SGCZ: variants seen among roughly 807,000 people sequenced by gnomAD.
SGCZ encodes zeta-sarcoglycan.
In SGCZ, 40 loss-of-function variants were observed where a neutral mutation model predicts 41.3. That is an observed-to-expected ratio of 0.97 (90% confidence interval 0.75 to 1.26). The LOEUF (loss-of-function observed/expected upper bound fraction) is 1.26. Among genes scored for constraint, SGCZ ranks in the 50% most tolerant of loss-of-function variants. The pLI, the probability that SGCZ is intolerant of heterozygous loss-of-function variation, is 0.00. For missense variants in SGCZ, 552 were observed against 369.8 expected (o/e 1.49, Z -4.04); for synonymous variants, 206 against 137.5 (o/e 1.50, Z -3.49).
intron 1 of SGCZ, among the ~76,000 whole-genome samples, chr8:14,884,475 G>C (rs531926093): frequency 6.6e-6 from 1 of 151,738 alleles, no homozygotes; most frequent in African/African-American, 2.4e-5. Context: ...TGCCCTTCTT[G>C]GTGGGTAGAT....
At chr8:14,751,373 T>C (rs1221438350) in intron 1 of SGCZ, among the ~76,000 whole-genome samples, 1 of 152,134 alleles carries the variant, frequency 6.6e-6, no homozygotes, top group African/African-American at 2.4e-5. Flanking sequence ...AGTCCATTCA[T>C]TAGTAGGATC....
chr8:14,794,867 A>C (rs1801074336), intron 1 of SGCZ, among the ~76,000 whole-genome samples: 1 of 152,240 alleles, frequency 6.6e-6, no homozygotes, highest in South Asian at 2.1e-4. Flanking sequence ...CATCTCTACT[A>C]TTGAGTCAAG....
At chr8:14,379,420 A>AT (rs553049213) in intron 2 of SGCZ, among the ~76,000 whole-genome samples, 94 of 152,276 alleles carry the variant, frequency 6.2e-4, no homozygotes, top group African/African-American at 1.9e-3. Context: ...ATAATAGGAA[A>AT]TTTGCAAAAC....
chr8:14,775,446 G>C (rs919949947), intron 1 of SGCZ, among the ~76,000 whole-genome samples: 7 of 142,440 alleles, frequency 4.9e-5, no homozygotes, highest in African/African-American at 8.0e-5. Context: ...ACAGTATGCT[G>C]AGTAGAATAT....
intron 2 of SGCZ, among the ~76,000 whole-genome samples, chr8:14,524,920 G>A (rs895293911): frequency 6.6e-6 from 1 of 151,786 alleles, no homozygotes. Context: ...CCAAATTCTG[G>A]GTCCACTGTC....
At chr8:14,441,882 G>T (rs1563331828) in intron 2 of SGCZ, among the ~76,000 whole-genome samples, 1 of 152,106 alleles carries the variant, frequency 6.6e-6, no homozygotes, top group South Asian at 2.1e-4. Flanking sequence ...TTGTCTTAAA[G>T]GCCTGGGAGA....
intron 1 of SGCZ, among the ~76,000 whole-genome samples, chr8:14,771,120 G>T (rs1285179070): frequency 6.6e-6 from 1 of 152,058 alleles, no homozygotes; most frequent in Admixed American, 6.5e-5. Flanking sequence ...AAGGATTTGG[G>T]TAAATAAGGA....
intron 2 of SGCZ, among the ~76,000 whole-genome samples, chr8:14,346,582 G>A (rs551861061): frequency 1.3e-5 from 2 of 151,866 alleles, no homozygotes; most frequent in Non-Finnish European, 2.9e-5. Context: ...TATGTCAAAT[G>A]CATATAAGCA....
intron 4 of SGCZ, among the ~76,000 whole-genome samples, chr8:14,223,791 A>G (rs1301442886): frequency 6.6e-6 from 1 of 152,190 alleles, no homozygotes; most frequent in Non-Finnish European, 1.5e-5. Flanking sequence ...CATTCACACC[A>G]TCCAAAATAA....
intron 3 of SGCZ, among the ~76,000 whole-genome samples, chr8:14,252,113 G>A (rs1799309593): frequency 6.6e-6 from 1 of 152,046 alleles, no homozygotes. Flanking sequence ...ATTCACATTA[G>A]ATATGTGTTA....
At chr8:15,190,531 G>C (rs2117108892) in intron 1 of SGCZ, among the ~76,000 whole-genome samples, 1 of 152,244 alleles carries the variant, frequency 6.6e-6, no homozygotes, top group East Asian at 1.9e-4. Flanking sequence ...AAGCTTTCTT[G>C]AAAGAGTGGC....
intron 1 of SGCZ, among the ~76,000 whole-genome samples, chr8:15,053,672 G>C (rs573400864): frequency 6.6e-6 from 1 of 152,094 alleles, no homozygotes; most frequent in Non-Finnish European, 1.5e-5. Flanking sequence ...CTTTATTTGG[G>C]GGGGTTGGGG....
intron 1 of SGCZ, among the ~76,000 whole-genome samples, chr8:14,745,030 T>A (rs549849965): frequency 2.0e-5 from 3 of 152,328 alleles, no homozygotes; most frequent in Non-Finnish European, 4.4e-5. Flanking sequence ...TTTCAAAGAC[T>A]GGATATTTAC....
chr8:15,134,304 CTT>C (rs59649473), intron 1 of SGCZ, among the ~76,000 whole-genome samples: 9 of 145,720 alleles, frequency 6.2e-5, no homozygotes, highest in East Asian at 6.1e-4. Context: ...AGCATTAGGT[CTT>C]TTTTTTTTTT....
intron 1 of SGCZ, among the ~76,000 whole-genome samples, chr8:14,851,324 ATG>A (rs1803313276): frequency 7.5e-6 from 1 of 133,988 alleles, no homozygotes; most frequent in South Asian, 2.4e-4. Flanking sequence ...AGCCAAGATC[ATG>A]CCACTGCACT....
chr8:14,934,705 A>C (rs932302800), intron 1 of SGCZ, among the ~76,000 whole-genome samples: 4 of 151,762 alleles, frequency 2.6e-5, no homozygotes, highest in African/African-American at 9.7e-5. Context: ...TAATTTTTTA[A>C]AGTGATGAAA....
intron 2 of SGCZ, among the ~76,000 whole-genome samples, chr8:14,444,745 TGGCA>T (rs533412072): frequency 1.7e-4 from 26 of 152,016 alleles, no homozygotes; most frequent in Non-Finnish European, 3.1e-4. Flanking sequence ...CACACCCGCA[TGGCA>T]CATGTATACA....
chr8:14,827,946 T>C (rs1017611344), intron 1 of SGCZ, among the ~76,000 whole-genome samples: 6 of 152,178 alleles, frequency 3.9e-5, no homozygotes, highest in Non-Finnish European at 8.8e-5. Flanking sequence ...ATATGTATTA[T>C]GAAAGAACTA....
chr8:15,202,873 A>G (rs268372), intron 1 of SGCZ, among the ~76,000 whole-genome samples: 132,392 of 152,024 alleles, frequency 0.87, 57,775 homozygotes, highest in Middle Eastern at 0.9. Context: ...AACGTCGGGA[A>G]TCCAAGGAAG....
Sources: gnomAD v4.1 joint callset for allele counts (sites outside exome capture counted in the v4.1 genomes callset) on GRCh38, gnomAD v4.1.1 for gene constraint, MANE v1.5 for transcripts, NCBI Gene and HGNC (gene_info 2026-07-23, HGNC 2026-07-21) for gene names.